Variants in CCDC82 observed in about 807,000 individuals in gnomAD.
CCDC82 encodes the protein coiled-coil domain-containing protein 82.
In CCDC82, 47 loss-of-function variants were observed where a neutral mutation model predicts 60.6. The observed-to-expected ratio is 0.77, with a 90% CI of 0.61 to 0.99. The LOEUF (loss-of-function observed/expected upper bound fraction) is 0.99. Ranked by LOEUF, CCDC82 falls within the 50% of genes least tolerant of loss-of-function variation. The pLI, the probability that CCDC82 is intolerant of heterozygous loss-of-function variation, is 0.00. For synonymous variants in CCDC82, 212 were observed against 207.4 expected, an observed-to-expected ratio of 1.02 and a Z score of -0.19; for missense variants, 588 against 633.0, an observed-to-expected ratio of 0.93 and a Z score of 0.76.
chr11:96,372,272 T>C (rs1865313368), intron 6 of CCDC82, among the ~76,000 whole-genome samples: 1 of 152,198 alleles, frequency 6.6e-6, no homozygotes, highest in Non-Finnish European at 1.5e-5. Flanking sequence ...TTTTGACTAA[T>C]CTAACTAGCA....
chr11:96,355,637 C>T (rs1312244745), intron 9 of CCDC82: 1 of 151,986 alleles, frequency 6.6e-6, no homozygotes, highest in African/African-American at 2.4e-5. Flanking sequence ...TAAGCTTATA[C>T]TTTTAACCAG....
At position 96,353,217 on chromosome 11, in the gene CCDC82, T is replaced by C. The variant is rs1864170639; in HGVS notation, c.*429A>G. 6.3e-6 allele frequency: 1 copy of C among 159,504 alleles called. No homozygotes were observed. The highest frequency in any genetic ancestry group is 2.4e-5 in the African/African-American group (1 of 41,496). The allele number at this position is 159,504 out of a possible 1,614,324, so 9.9% of individuals were successfully genotyped here. A position where few individuals can be genotyped will look rare whatever the true frequency, so the allele number is the denominator to read the frequency against. Reference sequence around the variant, plus strand: ...GGCCCACTGATTTAGATGATAGCAGTAAAAAATATATTAGTGAAAATCATT... The same window carrying C: ...GGCCCACTGATTTAGATGATAGCAGCAAAAAATATATTAGTGAAAATCATT... On this transcript the variant is annotated 3_prime_UTR_variant, in exon 10 of 10. Coordinates refer to ENST00000646818, the MANE Select transcript of CCDC82 (RefSeq NM_024725.4).
chr11:96,371,143 C>A lies in CCDC82; in HGVS notation c.1085-6G>T. The A allele has an allele frequency of 6.5e-7, 1 of 1,545,904 alleles. No individual in the cohort carries two copies. The highest frequency in any genetic ancestry group is 1.3e-5 in the South Asian group (1 of 77,584). On this transcript the variant is annotated splice_polypyrimidine_tract_variant and splice_region_variant and intron_variant, in intron 6 of 9. Transcript: ENST00000646818. Reference sequence around the variant, plus strand: ...TGATTTTTGCCTTGTGCCATCTGTTCAGGGGATAAACAACAAAAAAAATCA... The same window carrying A: ...TGATTTTTGCCTTGTGCCATCTGTTAAGGGGATAAACAACAAAAAAAATCA...
At chr11:96,360,208 T>G (rs201156050) in intron 8 of CCDC82, among the ~76,000 whole-genome samples, 3 of 60,620 alleles carry the variant, frequency 4.9e-5, no homozygotes, top group East Asian at 3.8e-4. Context: ...ATTTTTTTTG[T>G]TTTTTTTTTC....
chr11:96,376,982 T>G (rs1865609096), intron 5 of CCDC82, among the ~76,000 whole-genome samples: 1 of 152,166 alleles, frequency 6.6e-6, no homozygotes, highest in African/African-American at 2.4e-5. Flanking sequence ...GTTAAAGGAT[T>G]CCTGGACACT....
chr11:96,363,861 A>G (rs1864801491), intron 8 of CCDC82: 1 of 152,218 alleles, frequency 6.6e-6, no homozygotes, highest in Non-Finnish European at 1.5e-5. Context: ...TACATGCAGA[A>G]TAAGCATTTT....
intron 8 of CCDC82, among the ~76,000 whole-genome samples, chr11:96,360,584 TG>T (rs1864608327): frequency 6.6e-6 from 1 of 152,170 alleles, no homozygotes; most frequent in South Asian, 2.1e-4. Context: ...CTTACTCTCA[TG>T]GAGTAGTAAC....
At chr11:96,361,134 A>G (rs1591167558) in intron 8 of CCDC82, among the ~76,000 whole-genome samples, 1 of 152,236 alleles carries the variant, frequency 6.6e-6, no homozygotes, top group African/African-American at 2.4e-5. Flanking sequence ...TGCCGTGACT[A>G]TAAGGGTACC....
intron 4 of CCDC82, among the ~76,000 whole-genome samples, 176 bp downstream of exon 4, chr11:96,383,786 G>C (rs1866012008): frequency 3.3e-5 from 5 of 151,986 alleles, no homozygotes; most frequent in Non-Finnish European, 7.4e-5. Flanking sequence ...TGAGGCTCAT[G>C]ATAAAACAGT....
rs1457130703 is a variant in CCDC82, at chr11:96,383,358, T to C, written c.902A>G (p.Gln301Arg). The change falls in exon 5 of 10, where the codon CAA (glutamine) becomes CGA (arginine). Residue 301 changes from glutamine (Q) to arginine (R), a missense_variant. Coordinates refer to ENST00000646818, the MANE Select transcript of CCDC82 (RefSeq NM_024725.4). ...DDYIIDDFVVQDEEGDEENKN... is the reference protein window; with the variant it reads ...DDYIIDDFVVRDEEGDEENKN... ...ATTCTCTTCATCACCCTCCTCATCTTGCACTACAAAGTCATCGATAATATA... is the reference window on the plus strand; with the variant it reads ...ATTCTCTTCATCACCCTCCTCATCTCGCACTACAAAGTCATCGATAATATA... 1.2e-6 allele frequency: 2 copies of C among 1,605,856 alleles called. No homozygotes were observed. Among genetic ancestry groups the C allele is most frequent in the South Asian group, 2.2e-5 (2 of 90,604 alleles).
intron 7 of CCDC82, among the ~76,000 whole-genome samples, chr11:96,366,317 G>A (rs185374044): frequency 7.4e-4 from 112 of 152,276 alleles, no homozygotes; most frequent in African/African-American, 2.7e-3. Context: ...ATCTTTTGAA[G>A]CATAACCCAG....
chr11:96,364,979 C>T lies in CCDC82; in HGVS notation c.1380+1G>A, dbSNP rs754626691. The stretch of plus-strand genomic sequence containing the variant: ...AATTAAGATTAGAGGGAAGAAAATA[C>T]CTGTTTATCATGTGACATGAAATTA... On this transcript the variant is annotated splice_donor_variant, in intron 8 of 9. Transcript: ENST00000646818. LOFTEE classifies it high-confidence loss of function. 1.3e-6 allele frequency: 2 copies of T among 1,591,534 alleles called. No homozygotes were observed. The highest frequency in any genetic ancestry group is 1.2e-5 in the South Asian group (1 of 84,904).
At chr11:96,370,499 T>G (rs1865203988) in intron 7 of CCDC82, among the ~76,000 whole-genome samples, 1 of 152,212 alleles carries the variant, frequency 6.6e-6, no homozygotes, top group African/African-American at 2.4e-5. Context: ...GACCAGTGTT[T>G]CCCAAACAAT....
chr11:96,369,484 C>T lies in CCDC82; in HGVS notation c.1209+1529G>A, dbSNP rs548275470. On this transcript the variant is annotated intron_variant, in intron 7 of 9. Transcript: ENST00000646818. Reference sequence around the variant, plus strand: ...TTATTAATTGACCTAATTTCATTACCGTTGTGTCTTAAGGAATAAGGATGC... The same window carrying T: ...TTATTAATTGACCTAATTTCATTACTGTTGTGTCTTAAGGAATAAGGATGC... Among the ~76,000 whole-genome samples the T allele has an allele frequency of 4.6e-5, 7 of 152,158 alleles. No homozygotes were observed. The East Asian group carries it at 1.2e-3, about 25-fold the overall frequency.
At chr11:96,374,302 T>C (rs1865450333) in intron 5 of CCDC82, among the ~76,000 whole-genome samples, 1 of 152,172 alleles carries the variant, frequency 6.6e-6, no homozygotes, top group African/African-American at 2.4e-5. Context: ...GACCTATCAT[T>C]AGCAACCATG....
intron 5 of CCDC82, among the ~76,000 whole-genome samples, chr11:96,377,381 T>A (rs973368521): frequency 6.8e-6 from 1 of 148,126 alleles, no homozygotes; most frequent in Non-Finnish European, 1.5e-5. Context: ...CACACACATA[T>A]TATGTTCAAA....
intron 7 of CCDC82, among the ~76,000 whole-genome samples, chr11:96,367,545 CACTTCT>C (rs1164584027): frequency 2.0e-5 from 3 of 152,210 alleles, no homozygotes; most frequent in Admixed American, 6.5e-5. Context: ...CTTTAAGTTT[CACTTCT>C]ACTTCTAGTT....
At chr11:96,384,944 A>T (rs1408376526) in intron 3 of CCDC82, 183 bp from the exon 4 acceptor site, 1 of 494,620 alleles carries the variant, frequency 2.0e-6, no homozygotes, top group Non-Finnish European at 3.5e-6. Context: ...ATGCCCATGA[A>T]ATAATTATAT....
chr11:96,359,075 G>A lies in CCDC82; in HGVS notation c.1484C>T (p.Thr495Ile), dbSNP rs1864495016. Reference sequence around the variant, plus strand: ...AACTTGTTCATCTTCAACTTCTTCTGTCATTGCAATGGTGCAACATTCCTG... The same window carrying A: ...AACTTGTTCATCTTCAACTTCTTCTATCATTGCAATGGTGCAACATTCCTG... Reference protein sequence around the residue: ...LYQECCTIAMTEEVEDEQVKE... With the variant: ...LYQECCTIAMIEEVEDEQVKE... Residue 495 changes from threonine (T) to isoleucine (I), a missense_variant, in exon 9 of 10, where the codon ACA (threonine) becomes ATA (isoleucine). Transcript: ENST00000646818. The A allele has an allele frequency of 5.0e-6, 8 of 1,606,108 alleles. No individual in the cohort carries two copies. Among genetic ancestry groups the A allele is most frequent in the Non-Finnish European group, 6.8e-6 (8 of 1,177,906 alleles).
Sources: gnomAD v4.1 joint callset for allele counts (sites outside exome capture counted in the v4.1 genomes callset) on GRCh38, gnomAD v4.1.1 for gene constraint, MANE v1.5 for transcripts, NCBI Gene and HGNC (gene_info 2026-07-23, HGNC 2026-07-21) for gene names.